The following EIF4G3 variants were observed in gnomAD, a reference collection of about 807,000 sequenced individuals.
EIF4G3 encodes the protein eIF-4-gamma 3.
EIF4G3 carries 34 observed loss-of-function variants against 186.4 expected under a neutral mutation model. The ratio of observed to expected loss-of-function variants is 0.18; its 90% CI spans 0.14 to 0.24. The LOEUF is 0.24. Ranked by LOEUF, EIF4G3 falls within the 10% of genes least tolerant of loss-of-function variation. EIF4G3 has a pLI of 1.00. For missense variants in EIF4G3, 1,536 were observed against 1,948.5 expected (o/e 0.79, Z 3.99); for synonymous variants, 673 against 679.5 (o/e 0.99, Z 0.15).
chr1:20,845,067 T>C (rs1367613626), intron 29 of EIF4G3, among the ~76,000 whole-genome samples: 11 of 152,198 alleles, frequency 7.2e-5, no homozygotes, highest in East Asian at 1.9e-4. Context: ...CTGAATGGTA[T>C]TGTGTAAGTT....
chr1:21,042,999 A>C (rs996804474), intron 4 of EIF4G3, among the ~76,000 whole-genome samples: 2 of 152,218 alleles, frequency 1.3e-5, no homozygotes, highest in Admixed American at 1.3e-4. Flanking sequence ...TAGTGGCACT[A>C]AAGTGAGTTT....
chr1:20,857,369 A>T, intron 25 of EIF4G3, 34 bp downstream of exon 25: 1 of 1,514,662 alleles, frequency 6.6e-7, no homozygotes, highest in East Asian at 2.3e-5. Flanking sequence ...GCATCAAAGG[A>T]GAGCGTAAAT....
In EIF4G3 at chr1:20,886,277, T is replaced by C. The variant is rs754065830; in HGVS notation, c.2348A>G (p.Lys783Arg). ...TVSVKEDVHL[K>R]KAENAWKPSQ... ...TGGCTTCCAGGCATTTTCTGCCTTT[T>C]TCAGGTGTACATCTTCTTTTACAGA... The change falls in exon 19 of 37, where the codon AAA becomes AGA. Residue 783 changes from lysine to arginine, a missense_variant. By Grantham distance (26) the Lys-to-Arg change is conservative. Transcript: ENST00000602326. The C allele has an allele frequency of 6.2e-7, 1 of 1,614,160 alleles. No homozygotes were observed. The highest frequency in any genetic ancestry group is 8.5e-7 in the Non-Finnish European group (1 of 1,180,008).
chr1:20,945,141 T>TAA (rs200961050), intron 13 of EIF4G3, among the ~76,000 whole-genome samples: 4 of 146,372 alleles, frequency 2.7e-5, no homozygotes, highest in East Asian at 3.9e-4. Context: ...AGAGCTAAAT[T>TAA]AAAAAAAAAA....
At chr1:21,034,063 C>A (rs2092976665) in intron 4 of EIF4G3, among the ~76,000 whole-genome samples, 1 of 152,120 alleles carries the variant, frequency 6.6e-6, no homozygotes, top group Non-Finnish European at 1.5e-5. Flanking sequence ...ACAACACACT[C>A]CAGCCTGGAT....
intron 14 of EIF4G3, among the ~76,000 whole-genome samples, chr1:20,906,635 A>G (rs1277243359): frequency 1.3e-5 from 2 of 152,134 alleles, no homozygotes; most frequent in Non-Finnish European, 2.9e-5. Flanking sequence ...TTCCTTCAGT[A>G]ATATAACATA....
rs1374412134 is a variant in EIF4G3, at chr1:21,050,721, G to A, written c.-67+145C>T. On this transcript the variant is annotated intron_variant, in intron 4 of 36. Coordinates refer to ENST00000602326, the MANE Select transcript of EIF4G3 (RefSeq NM_001391906.1). ...TTGTTAGTAGCCATCTTTATGAACG[G>A]TTAAGTCTGAAAAGATGCCAAAGAC... 15 of 554,294 alleles carry A rather than the reference G, an allele frequency of 2.7e-5. No individual in the cohort carries two copies. In the South Asian group the frequency reaches 3.1e-4, roughly 11 times the overall value. The allele number at this position is 554,294 out of a possible 1,614,324, so 34.3% of individuals were successfully genotyped here.
chr1:21,016,350 C>A (rs1035369339), intron 4 of EIF4G3, among the ~76,000 whole-genome samples: 2 of 151,976 alleles, frequency 1.3e-5, no homozygotes, highest in East Asian at 1.9e-4. Flanking sequence ...CAACTAAGCA[C>A]AACAAAAGGC....
intron 32 of EIF4G3, among the ~76,000 whole-genome samples, chr1:20,826,483 T>TTC (rs2063679944): frequency 3.2e-5 from 1 of 31,224 alleles, no homozygotes; most frequent in African/African-American, 7.1e-5. Context: ...GAGTCTTTCT[T>TTC]TTTTTTTTTT....
intron 2 of EIF4G3, among the ~76,000 whole-genome samples, chr1:21,165,132 C>T (rs2097835101): frequency 6.6e-6 from 1 of 152,104 alleles, no homozygotes; most frequent in Non-Finnish European, 1.5e-5. Flanking sequence ...AATGAGATAC[C>T]ACTTTACACC....
intron 4 of EIF4G3, among the ~76,000 whole-genome samples, chr1:21,027,156 G>C (rs1421621326): frequency 6.6e-6 from 1 of 150,696 alleles, no homozygotes; most frequent in African/African-American, 2.4e-5. Flanking sequence ...CTCACACCAA[G>C]ATGGCTAGTA....
chr1:21,095,802 A>C (rs1316880146), intron 2 of EIF4G3, among the ~76,000 whole-genome samples: 1 of 152,222 alleles, frequency 6.6e-6, no homozygotes, highest in Non-Finnish European at 1.5e-5. Flanking sequence ...CAAACAAAAA[A>C]AAAACAAAAC....
chr1:20,837,487 A>T (rs921001797), intron 30 of EIF4G3, among the ~76,000 whole-genome samples: 2 of 152,176 alleles, frequency 1.3e-5, no homozygotes, highest in Non-Finnish European at 2.9e-5. Flanking sequence ...TACAGGCGTG[A>T]GCCACCGCGC....
intron 14 of EIF4G3, among the ~76,000 whole-genome samples, chr1:20,914,317 A>T (rs2154558713): frequency 6.6e-6 from 1 of 152,208 alleles, no homozygotes; most frequent in East Asian, 1.9e-4. Flanking sequence ...CTATTATCCT[A>T]GATTAACCCA....
At chr1:21,080,318 C>A (rs1268180300) in intron 3 of EIF4G3, among the ~76,000 whole-genome samples, 112 of 135,930 alleles carry the variant, frequency 8.2e-4, no homozygotes, top group Admixed American at 8.9e-4. Flanking sequence ...ACTGTCTCAA[C>A]AAAAAAAAAA....
At position 20,981,741 on chromosome 1, in the gene EIF4G3, TAC is replaced by T. The variant is rs1177870466; in HGVS notation, c.199-516_199-515del. The stretch of plus-strand genomic sequence containing the variant: ...TACATGTATACGCACATACTGTATA[TAC>T]ACATACATATATGTATACACACATA... On this transcript the variant is annotated intron_variant, in intron 8 of 36. Transcript: ENST00000602326. 1.1e-3 allele frequency among the ~76,000 whole-genome samples: 154 copies of T among 139,912 alleles called. 4 individuals are homozygous for T. Among genetic ancestry groups the T allele is most frequent in the Middle Eastern group, 3.6e-3 (1 of 274 alleles). 91.8% of individuals were successfully genotyped at this position (139,912 alleles called of 152,430 possible).
intron 4 of EIF4G3, among the ~76,000 whole-genome samples, chr1:21,007,461 T>C (rs1396380375): frequency 7.3e-6 from 1 of 137,060 alleles, no homozygotes; most frequent in Admixed American, 8.6e-5. Flanking sequence ...TTTGATTCTA[T>C]GATTCCACTT....
chr1:20,895,321 TC>T lies in EIF4G3; in HGVS notation c.2133+46del, dbSNP rs767996973. On this transcript the variant is annotated intron_variant, in intron 17 of 36. Transcript: ENST00000602326. ...CACATATTTGCTCTTATAGTTAAAATCAGTTCCCACCAAAAAGAACTAGTTT... is the reference window on the plus strand; with the variant it reads ...CACATATTTGCTCTTATAGTTAAAATAGTTCCCACCAAAAAGAACTAGTTT... 1.1e-5 allele frequency: 18 copies of T among 1,586,814 alleles called. No homozygotes were observed. The African/African-American group carries it at 1.9e-4, about 17-fold the overall frequency.
At chr1:21,061,749 T>G (rs2094928377) in intron 3 of EIF4G3, among the ~76,000 whole-genome samples, 1 of 151,388 alleles carries the variant, frequency 6.6e-6, no homozygotes. Flanking sequence ...TTGTTTTTTT[T>G]TTTTTTTTTC....
Sources: gnomAD v4.1 joint callset for allele counts (sites outside exome capture counted in the v4.1 genomes callset) on GRCh38, gnomAD v4.1.1 for gene constraint, MANE v1.5 for transcripts, NCBI Gene and HGNC (gene_info 2026-07-23, HGNC 2026-07-21) for gene names.